SLC11A1: variants seen among roughly 807,000 people sequenced by gnomAD.
The protein encoded by SLC11A1 is solute carrier family 11 member 1.
In SLC11A1, 59 loss-of-function variants were observed where a neutral mutation model predicts 63.2. That is an observed-to-expected ratio of 0.93 (90% confidence interval 0.76 to 1.16). The LOEUF (loss-of-function observed/expected upper bound fraction) is 1.16, where lower values mean the gene tolerates loss of function less well. Among genes scored for constraint, SLC11A1 ranks in the 50% most tolerant of loss-of-function variants. SLC11A1 has a pLI of 0.00. For missense variants in SLC11A1, 688 were observed against 730.7 expected (o/e 0.94, Z 0.67); for synonymous variants, 305 against 307.8 (o/e 0.99, Z 0.09).
At chr2:218,394,034 G>A (rs2106339357) in intron 12 of SLC11A1, 86 bp from the exon 13 acceptor site, 3 of 1,351,664 alleles carry the variant, frequency 2.2e-6, no homozygotes, top group East Asian at 4.6e-5. Context: ...CCACACAGAG[G>A]GTGTCAAGCC....
rs186014377 is a variant in SLC11A1 at position 218,390,531 on chromosome 2, T to C, written c.954+503T>C. Among the ~76,000 whole-genome samples the C allele has an allele frequency of 1.6e-3, 239 of 152,268 alleles. 1 individual carries two copies. Among genetic ancestry groups the C allele is most frequent in the African/African-American group, 5.5e-3 (228 of 41,554 alleles). On this transcript the variant is annotated intron_variant, in intron 9 of 14. Coordinates refer to ENST00000233202, the MANE Select transcript of SLC11A1 (RefSeq NM_000578.4). ...ATCTCAGTCATGAGGCTCTAACAAC[T>C]GCAGCCAGGGTTGGGGGCTTCCTGA...
intron 6 of SLC11A1, 66 bp from the exon 7 acceptor site, chr2:218,387,499 T>C (rs1217244546): frequency 1.3e-6 from 2 of 1,525,802 alleles, no homozygotes; most frequent in East Asian, 2.2e-5. Context: ...GTATTAGCCA[T>C]TACGAATTGT....
At chr2:218,383,180 C>T (rs1695896950) in intron 2 of SLC11A1, 78 bp downstream of exon 2, 4 of 1,517,244 alleles carry the variant, frequency 2.6e-6, no homozygotes, top group Non-Finnish European at 3.6e-6. Flanking sequence ...AGAATGGGGT[C>T]TCCTTATGAT....
chr2:218,391,937 T>C (rs2106337159), intron 11 of SLC11A1, among the ~76,000 whole-genome samples: 1 of 152,290 alleles, frequency 6.6e-6, no homozygotes, highest in South Asian at 2.1e-4. Flanking sequence ...TTTGTATTTT[T>C]AGTAGAGACG....
Position 218,391,580 on chromosome 2 carries a change from G to T in SLC11A1, c.1164+85G>T, listed in dbSNP as rs182862301. The T allele has an allele frequency of 4.4e-5, 61 of 1,377,116 alleles. No individual in the cohort carries two copies. The African/African-American group carries it at 7.3e-4, about 17-fold the overall frequency. The allele number at this position is 1,377,116 out of a possible 1,614,324, so 85.3% of individuals were successfully genotyped here. A position where few individuals can be genotyped will look rare whatever the true frequency, so the allele number is the denominator to read the frequency against. ...GGGGCTAGAACTCCGAGCCTTGTGG[G>T]TCCTCTTTTCTTTTCTTTCTTTTCT... On this transcript the variant is annotated intron_variant, in intron 11 of 14. Coordinates refer to ENST00000233202, the MANE Select transcript of SLC11A1 (RefSeq NM_000578.4).
rs145071313 is a variant in SLC11A1, at chr2:218,386,686, G to A, written c.445G>A (p.Asp149Asn). Residue 149 changes from aspartate to asparagine, a missense_variant, in exon 5 of 15, where the codon GAC becomes AAC. Physicochemically the swap from Asp to Asn is conservative, Grantham distance 23. Coordinates refer to ENST00000233202, the MANE Select transcript of SLC11A1 (RefSeq NM_000578.4). The stretch of plus-strand genomic sequence containing the variant: ...CATCGAGCTAGCCATTGTGGGCTCC[G>A]ACATGCAGGAAGTCATCGGCACGGC... ...LTIELAIVGS[D>N]MQEVIGTAIA... 360 of 1,614,106 alleles carry A rather than the reference G, an allele frequency of 2.2e-4. No individual in the cohort carries two copies. Among genetic ancestry groups the A allele is most frequent in the Non-Finnish European group, 2.6e-4 (309 of 1,180,004 alleles).
Position 218,391,294 on chromosome 2 carries a change from G to A in SLC11A1, c.1044+7G>A, listed in dbSNP as rs771018200. 26 of 1,613,674 alleles carry A rather than the reference G, an allele frequency of 1.6e-5. No individual in the cohort carries two copies. Among genetic ancestry groups the A allele is most frequent in the East Asian group, 4.5e-5 (2 of 44,854 alleles). On this transcript the variant is annotated splice_region_variant and intron_variant, in intron 10 of 14. Transcript: ENST00000233202. ...CGTGGACATTTACCAGGGGGTGAGCGCGGGTGGGTGGGGAGGGCGTGACCC... is the reference window on the plus strand; with the variant it reads ...CGTGGACATTTACCAGGGGGTGAGCACGGGTGGGTGGGGAGGGCGTGACCC...
intron 12 of SLC11A1, among the ~76,000 whole-genome samples, chr2:218,393,494 G>A (rs1364198633): frequency 2.1e-5 from 2 of 95,276 alleles, no homozygotes; most frequent in South Asian, 6.2e-4. Flanking sequence ...TTTTTTTTTT[G>A]AGACGGAGTT....
At position 218,384,016 on chromosome 2, in the gene SLC11A1, G is replaced by T; in HGVS notation, c.151-227G>T. ...CAGGCAGTTCAGGTGCAAGCCGGCT[G>T]CTGAGCTTAACAGATCCAGAAAAAG... On this transcript the variant is annotated intron_variant, in intron 2 of 14. Transcript: ENST00000233202. This position sits in a 1 kb window ranked among gnomAD's most constrained non-coding sequence, Gnocchi z 4.0. 1 of 338,000 alleles carries T rather than the reference G, an allele frequency of 3.0e-6. No individual in the cohort carries two copies. Among genetic ancestry groups the T allele is most frequent in the Non-Finnish European group, 5.3e-6 (1 of 187,096 alleles). The allele number at this position is 338,000 out of a possible 1,614,324, so 20.9% of individuals were successfully genotyped here. A position where few individuals can be genotyped will look rare whatever the true frequency, so the allele number is the denominator to read the frequency against.
intron 8 of SLC11A1, chr2:218,388,336 A>C (rs2106333247): frequency 5.8e-6 from 1 of 173,408 alleles, no homozygotes; most frequent in Non-Finnish European, 1.2e-5. Context: ...CCACTGCACC[A>C]CTCCAGCCTG....
Position 218,384,167 on chromosome 2 carries a change from A to C in SLC11A1, c.151-76A>C, listed in dbSNP as rs1695947195. On this transcript the variant is annotated intron_variant, in intron 2 of 14. Transcript: ENST00000233202. This position sits in a 1 kb window ranked among gnomAD's most constrained non-coding sequence, Gnocchi z 4.0. ...CTGATGAGCCTGTTGGGGCTCCTCT[A>C]GGGGATGGCCAAGGCCAGCTGCCAC... 9.5e-6 allele frequency: 14 copies of C among 1,467,484 alleles called. No individual in the cohort carries two copies. The highest frequency in any genetic ancestry group is 2.6e-4 in the Middle Eastern group (1 of 3,920). The allele number at this position is 1,467,484 out of a possible 1,614,324, so 90.9% of individuals were successfully genotyped here.
At chr2:218,394,336 C>A in intron 13 of SLC11A1, 143 bp downstream of exon 13, 1 of 854,198 alleles carries the variant, frequency 1.2e-6, no homozygotes, top group Non-Finnish European at 1.8e-6. Flanking sequence ...CCCAGGTTCA[C>A]ACAGCTAGCA....
Position 218,396,583 on chromosome 2 carries a change from A to G in SLC11A1, c.*1548A>G, listed in dbSNP as rs1559129313. 6.6e-6 allele frequency: 1 copy of G among 152,402 alleles called. No homozygotes were observed. Among genetic ancestry groups the G allele is most frequent in the African/African-American group, 2.4e-5 (1 of 41,450 alleles). 9.4% of individuals were successfully genotyped at this position (152,402 alleles called of 1,614,324 possible). The stretch of plus-strand genomic sequence containing the variant: ...GGGCAACGATGCGAGTGGGTCCCTC[A>G]AGGAGAGAAGAGATGGGACCGGTCT... On this transcript the variant is annotated 3_prime_UTR_variant, in exon 15 of 15. Coordinates refer to ENST00000233202, the MANE Select transcript of SLC11A1 (RefSeq NM_000578.4).
chr2:218,395,521 C>T lies in SLC11A1; in HGVS notation c.*486C>T, dbSNP rs187856112. 84 of 155,442 alleles carry T rather than the reference C, an allele frequency of 5.4e-4. No homozygotes were observed. In the East Asian group the frequency reaches 0.012, roughly 23 times the overall value. The allele number at this position is 155,442 out of a possible 1,614,324, so 9.6% of individuals were successfully genotyped here. A position where few individuals can be genotyped will look rare whatever the true frequency, so the allele number is the denominator to read the frequency against. On this transcript the variant is annotated 3_prime_UTR_variant, in exon 15 of 15. Coordinates refer to ENST00000233202, the MANE Select transcript of SLC11A1 (RefSeq NM_000578.4). The stretch of plus-strand genomic sequence containing the variant: ...TCCCTCTGTTGCCAAGGCTGGAGTG[C>T]AGTGGCGCAATCTTAACTCATTGCA...
rs1434214990 is a variant in SLC11A1, at chr2:218,395,846, G to A, written c.*811G>A. 1 of 152,400 alleles carries A rather than the reference G, an allele frequency of 6.6e-6. No homozygotes were observed. Among genetic ancestry groups the A allele is most frequent in the Non-Finnish European group, 1.5e-5 (1 of 68,056 alleles). 9.4% of individuals were successfully genotyped at this position (152,400 alleles called of 1,614,324 possible). A position where few individuals can be genotyped will look rare whatever the true frequency, so the allele number is the denominator to read the frequency against. ...CACGAAGTCTCTAAAGCATCCAGAA[G>A]ACCCCTACACCAGGGTCTGGTCCGC... On this transcript the variant is annotated 3_prime_UTR_variant, in exon 15 of 15. Coordinates refer to ENST00000233202, the MANE Select transcript of SLC11A1 (RefSeq NM_000578.4).
At chr2:218,388,084 G>A (rs889806104) in intron 8 of SLC11A1, 129 bp downstream of exon 8, 10 of 1,177,318 alleles carry the variant, frequency 8.5e-6, no homozygotes, top group Non-Finnish European at 8.2e-6. Flanking sequence ...ATAATTGAGG[G>A]ACAGGCGGGG....
At position 218,389,904 on chromosome 2, in the gene SLC11A1, T is replaced by C. The variant is rs766937222; in HGVS notation, c.830T>C (p.Ile277Thr). 1 of 1,613,834 alleles carries C rather than the reference T, an allele frequency of 6.2e-7. No homozygotes were observed. The highest frequency in any genetic ancestry group is 1.1e-5 in the South Asian group (1 of 91,068). Residue 277 changes from isoleucine to threonine, a missense_variant, in exon 9 of 15, where the codon ATC (isoleucine) becomes ACC (threonine). Coordinates refer to ENST00000233202, the MANE Select transcript of SLC11A1 (RefSeq NM_000578.4). ...ATAGACCGGGCCCGCCGAGCAGACA[T>C]CAGAGAAGCCAACATGTACTTCCTG... ...REIDRARRADIREANMYFLIE... is the reference protein window; with the variant it reads ...REIDRARRADTREANMYFLIE...
rs1040832767 is a variant in SLC11A1 at position 218,396,622 on chromosome 2, C to G, written c.*1587C>G. The G allele has an allele frequency of 1.4e-4, 22 of 152,598 alleles. 1 individual carries two copies. The highest frequency in any genetic ancestry group is 1.4e-3 in the Admixed American group (22 of 15,282). 9.5% of individuals were successfully genotyped at this position (152,598 alleles called of 1,614,324 possible). A position where few individuals can be genotyped will look rare whatever the true frequency, so the allele number is the denominator to read the frequency against. On this transcript the variant is annotated 3_prime_UTR_variant, in exon 15 of 15. Transcript: ENST00000233202. ...TGGGACCGGTCTGGTGCGACCTGGG[C>G]AAGCGCTGCAGAGGGTACCTGGGCA... is the stretch of plus-strand genomic sequence containing the variant.
intron 8 of SLC11A1, among the ~76,000 whole-genome samples, chr2:218,389,420 G>T (rs1288084661): frequency 6.6e-6 from 1 of 152,076 alleles, no homozygotes; most frequent in Non-Finnish European, 1.5e-5. Flanking sequence ...GGTTGTAGTG[G>T]TGTGTGTCTG....
Sources: allele counts gnomAD v4.1 joint callset (sites outside exome capture counted in the v4.1 genomes callset), GRCh38; gene constraint gnomAD v4.1.1; non-coding constraint Gnocchi (gnomAD v3.1); transcripts MANE v1.5; gene names NCBI Gene and HGNC (gene_info 2026-07-23, HGNC 2026-07-21).